The following CELSR3 variants were observed in gnomAD, a reference collection of about 807,000 sequenced individuals.
The protein encoded by CELSR3 is cadherin EGF LAG seven-pass G-type receptor 3.
CELSR3 carries 73 observed loss-of-function variants against 270.0 expected under a neutral mutation model. That is an observed-to-expected ratio of 0.27 (90% CI 0.22 to 0.33). The LOEUF (loss-of-function observed/expected upper bound fraction) is 0.33, where lower values mean the gene tolerates loss of function less well. CELSR3 is among the 10% of genes least tolerant of loss of function. The pLI is 1.00. For missense variants in CELSR3, 3,614 were observed against 4,533.8 expected (o/e 0.80, Z 5.83); for synonymous variants, 1,780 against 1,905.4 (o/e 0.93, Z 1.71).
chr3:48,644,188 G>A lies in CELSR3; in HGVS notation c.8165+28C>T. The stretch of plus-strand genomic sequence containing the variant: ...CAGGAGGGACCTGCCATCCTGAGAA[G>A]CCCCCTTCCTCCAGCCAGCCAACTC... On this transcript the variant is annotated intron_variant, in intron 27 of 34. Coordinates refer to ENST00000164024, the MANE Select transcript of CELSR3 (RefSeq NM_001407.3). The surrounding 1 kb of genome is among the most constrained non-coding windows in gnomAD (Gnocchi z 4.8). 1 of 1,592,404 alleles carries A rather than the reference G, an allele frequency of 6.3e-7. No individual in the cohort carries two copies.
At position 48,653,555 on chromosome 3, in the gene CELSR3, G is replaced by A. The variant is rs2047155658; in HGVS notation, c.5448+64C>T. ...CTGTGTGACCAACCTGAACCCACAA[G>A]AATGTCAGTGGCGGCCTAAGAGACT... On this transcript the variant is annotated intron_variant, in intron 9 of 34. Transcript: ENST00000164024. The surrounding 1 kb of genome is among the most constrained non-coding windows in gnomAD (Gnocchi z 6.5). The A allele has an allele frequency of 1.3e-6, 2 of 1,567,770 alleles. No individual in the cohort carries two copies. The highest frequency in any genetic ancestry group is 1.7e-6 in the Non-Finnish European group (2 of 1,149,244).
rs951839896 is a variant in CELSR3 at position 48,641,508 on chromosome 3, G to T, written c.8841C>A (p.Asp2947Glu). The change falls in exon 33 of 35, where the codon GAC becomes GAA. Residue 2947 changes from aspartate to glutamate, a missense_variant. This residue lies in a region of CELSR3 where 1,240 missense variants were observed against 1,351.7 expected (regional missense o/e 0.92). Transcript: ENST00000164024. This position sits in a 1 kb window ranked among gnomAD's most constrained non-coding sequence, Gnocchi z 4.8. ...CCAGGGCTGGCCAGTAGGACAGGAG[G>T]TCATTGCCATCCACATCTGTGGAGC... is the stretch of plus-strand genomic sequence containing the variant. The part of the protein sequence containing the change: ...LTHPKDVDGN[D>E]LLSYWPALGE... 6.2e-6 allele frequency: 10 copies of T among 1,611,804 alleles called. No homozygotes were observed. Among genetic ancestry groups the T allele is most frequent in the Non-Finnish European group, 8.5e-6 (10 of 1,179,456 alleles).
Position 48,650,824 on chromosome 3 carries a change from C to T in CELSR3, c.6370+68G>A. 1 of 1,517,762 alleles carries T rather than the reference C, an allele frequency of 6.6e-7. No individual in the cohort carries two copies. Among genetic ancestry groups the T allele is most frequent in the Admixed American group, 1.9e-5 (1 of 52,068 alleles). The allele number at this position is 1,517,762 out of a possible 1,614,324, so 94.0% of individuals were successfully genotyped here. A position where few individuals can be genotyped will look rare whatever the true frequency, so the allele number is the denominator to read the frequency against. ...AGAGTCCCCAAGGAGCCATGTGTGCCACTGACACGTGATGGTGGCACACTG... is the reference window on the plus strand; with the variant it reads ...AGAGTCCCCAAGGAGCCATGTGTGCTACTGACACGTGATGGTGGCACACTG... On this transcript the variant is annotated intron_variant, in intron 15 of 34. Coordinates refer to ENST00000164024, the MANE Select transcript of CELSR3 (RefSeq NM_001407.3). This position sits in a 1 kb window ranked among gnomAD's most constrained non-coding sequence, Gnocchi z 5.1.
At position 48,653,569 on chromosome 3, in the gene CELSR3, G is replaced by T; in HGVS notation, c.5448+50C>A. 1 of 1,583,974 alleles carries T rather than the reference G, an allele frequency of 6.3e-7. No individual in the cohort carries two copies. Among genetic ancestry groups the T allele is most frequent in the Non-Finnish European group, 8.6e-7 (1 of 1,159,756 alleles). On this transcript the variant is annotated intron_variant, in intron 9 of 34. Coordinates refer to ENST00000164024, the MANE Select transcript of CELSR3 (RefSeq NM_001407.3). The surrounding 1 kb of genome is among the most constrained non-coding windows in gnomAD (Gnocchi z 6.5). Reference sequence around the variant, plus strand: ...TGAACCCACAAGAATGTCAGTGGCGGCCTAAGAGACTGAGAACTGAGGGTA... The same window carrying T: ...TGAACCCACAAGAATGTCAGTGGCGTCCTAAGAGACTGAGAACTGAGGGTA...
Position 48,648,787 on chromosome 3 carries a change from G to A in CELSR3, c.6709C>T (p.Leu2237=), listed in dbSNP as rs1052291117. ...VRVTARLLAH[L]LAFESHQQGF... ...TGCTGATGGCTCTCGAAGGCCAGCA[G>A]GTGGGCCAGCAGGCGGGCAGTGACT... The change falls in exon 18 of 35, where the codon CTG becomes TTG. Residue 2237 remains leucine, a synonymous_variant. Transcript: ENST00000164024. 1.3e-5 allele frequency: 21 copies of A among 1,612,896 alleles called. No homozygotes were observed. Among genetic ancestry groups the A allele is most frequent in the Non-Finnish European group, 1.7e-5 (20 of 1,180,010 alleles).
intron 2 of CELSR3, 59 bp downstream of exon 2, chr3:48,656,639 G>A (rs1575544882): frequency 7.0e-7 from 1 of 1,437,692 alleles, no homozygotes; most frequent in Non-Finnish European, 9.1e-7. Context: ...CTCGCATTGT[G>A]GTCCCGCCCC....
Position 48,646,852 on chromosome 3 carries a change from C to T in CELSR3, c.7206G>A (p.Glu2402=), listed in dbSNP as rs1243781655. 3 of 1,597,728 alleles carry T rather than the reference C, an allele frequency of 1.9e-6. No homozygotes were observed. The highest frequency in any genetic ancestry group is 2.3e-5 in the East Asian group (1 of 43,564). Residue 2402 remains glutamate (E), a synonymous_variant, in exon 21 of 35, where the codon GAG becomes GAA. Transcript: ENST00000164024. This position sits in a 1 kb window ranked among gnomAD's most constrained non-coding sequence, Gnocchi z 4.8. ...VVPPPAPPEP[E]PGISIIILLV... is the part of the protein sequence containing the mutation. Reference sequence around the variant, plus strand: ...GGAGAATGATAATGGAGATCCCAGGCTCTGGCTCTGGCGGGGCTGGTGGGG... The same window carrying T: ...GGAGAATGATAATGGAGATCCCAGGTTCTGGCTCTGGCGGGGCTGGTGGGG...
Position 48,656,917 on chromosome 3 carries a change from G to T in CELSR3, c.4180C>A (p.Leu1394Ile). The change falls in exon 2 of 35, where the codon CTC becomes ATC. Residue 1394 changes from leucine to isoleucine, a missense_variant. Physicochemically the swap from Leu to Ile is conservative, Grantham distance 5. Transcript: ENST00000164024. ...AAGGGCGCGGACGAGTCAAAGCGGA[G>T]CACGGACACGCATTTCATGTAGTTC... is the stretch of plus-strand genomic sequence containing the variant. The part of the protein sequence containing the change: ...CENYMKCVSV[L>I]RFDSSAPFLA... The T allele has an allele frequency of 6.2e-7, 1 of 1,610,906 alleles. No homozygotes were observed. Among genetic ancestry groups the T allele is most frequent in the Non-Finnish European group, 8.5e-7 (1 of 1,178,496 alleles).
In CELSR3 at chr3:48,639,120, G is replaced by A. The variant is rs2046999675; in HGVS notation, c.9911+554C>T. On this transcript the variant is annotated intron_variant, in intron 34 of 34. Transcript: ENST00000164024. This position sits in a 1 kb window ranked among gnomAD's most constrained non-coding sequence, Gnocchi z 4.1. ...CTTCACACATACCCGAGATGAACCA[G>A]GTTCCAACTCAGTTCCTGTGAGCCC... Among the ~76,000 whole-genome samples the A allele has an allele frequency of 6.6e-6, 1 of 152,054 alleles. No individual in the cohort carries two copies. Among genetic ancestry groups the A allele is most frequent in the Admixed American group, 6.5e-5 (1 of 15,268 alleles).
At position 48,662,839 on chromosome 3, in the gene CELSR3, C is replaced by T; in HGVS notation, c.-205G>A. 1 of 323,474 alleles carries T rather than the reference C, an allele frequency of 3.1e-6. No individual in the cohort carries two copies. The highest frequency in any genetic ancestry group is 5.4e-5 in the South Asian group (1 of 18,564). 20.0% of individuals were successfully genotyped at this position (323,474 alleles called of 1,614,324 possible). ...GGCGTGCGGCCCTGGCTTTTTCCGC[C>T]CCCACCACAGCATCCCCGACGCTGC... On this transcript the variant is annotated 5_prime_UTR_variant, in exon 1 of 35. Coordinates refer to ENST00000164024, the MANE Select transcript of CELSR3 (RefSeq NM_001407.3). The surrounding 1 kb of genome is among the most constrained non-coding windows in gnomAD (Gnocchi z 7.1).
In CELSR3 at chr3:48,661,534, G is replaced by C. The variant is rs2077066075; in HGVS notation, c.1101C>G (p.Leu367=). ...ACAGCTCCAGCGAGCGGCTGTTCAT[G>C]AGTGCCGCCAGCGAGTAGACTAGGC... ...AGRLVYSLAA[L]MNSRSLELFS... Residue 367 remains leucine, a synonymous_variant, in exon 1 of 35, where the codon CTC becomes CTG. Coordinates refer to ENST00000164024, the MANE Select transcript of CELSR3 (RefSeq NM_001407.3). The C allele has an allele frequency of 6.2e-7, 1 of 1,606,604 alleles. No homozygotes were observed.
chr3:48,659,348 T>C lies in CELSR3; in HGVS notation c.3287A>G (p.Glu1096Gly). 1 of 1,614,158 alleles carries C rather than the reference T, an allele frequency of 6.2e-7. No individual in the cohort carries two copies. The highest frequency in any genetic ancestry group is 8.5e-7 in the Non-Finnish European group (1 of 1,180,042). The change falls in exon 1 of 35, where the codon GAA (glutamate) becomes GGA (glycine). Residue 1096 changes from glutamate to glycine, a missense_variant. This residue lies in a region of CELSR3 where 1,331 missense variants were observed against 1,933.7 expected (regional missense o/e 0.69). Coordinates refer to ENST00000164024, the MANE Select transcript of CELSR3 (RefSeq NM_001407.3). This position sits in a 1 kb window ranked among gnomAD's most constrained non-coding sequence, Gnocchi z 8.1. Reference protein sequence around the residue: ...VAQITAVDPDEGPNAHIMYQI... With the variant: ...VAQITAVDPDGGPNAHIMYQI... Reference sequence around the variant, plus strand: ...GTACATTATATGGGCATTGGGGCCTTCGTCAGGGTCCACTGCAGTGATCTG... The same window carrying C: ...GTACATTATATGGGCATTGGGGCCTCCGTCAGGGTCCACTGCAGTGATCTG...
At position 48,646,897 on chromosome 3, in the gene CELSR3, G is replaced by A. The variant is rs758943607; in HGVS notation, c.7161C>T (p.Ser2387=). Residue 2387 remains serine, a synonymous_variant, in exon 21 of 35, where the codon TCC becomes TCT. Transcript: ENST00000164024. The surrounding 1 kb of genome is among the most constrained non-coding windows in gnomAD (Gnocchi z 4.8). ...GTGGGGGGACCACACTTGAGGTGGT[G>A]GAGTTTTCTATGCTGCTGCTTGTGG... ...VLPTSSSIEN[S]TTSSVVPPPA... The A allele has an allele frequency of 6.4e-7, 1 of 1,566,646 alleles. No individual in the cohort carries two copies. The highest frequency in any genetic ancestry group is 1.2e-5 in the South Asian group (1 of 85,268).
rs2047165328 is a variant in CELSR3, at chr3:48,654,702, G to A, written c.4989-250C>T. Among the ~76,000 whole-genome samples, 2 of 152,080 alleles carry A rather than the reference G, an allele frequency of 1.3e-5. No individual in the cohort carries two copies. Among genetic ancestry groups the A allele is most frequent in the Non-Finnish European group, 2.9e-5 (2 of 68,014 alleles). ...GCTATGATGAAAGAATGAGGCATCT[G>A]GCTGGCTGGGGAGGGGATGGAGACG... On this transcript the variant is annotated intron_variant, in intron 6 of 34. Transcript: ENST00000164024. This position sits in a 1 kb window ranked among gnomAD's most constrained non-coding sequence, Gnocchi z 5.4.
chr3:48,650,433 A>AGGGGGGGGGGGGGGGG lies in CELSR3; in HGVS notation c.6472+46_6472+47insCCCCCCCCCCCCCCCC. On this transcript the variant is annotated intron_variant, in intron 16 of 34. Transcript: ENST00000164024. This position sits in a 1 kb window ranked among gnomAD's most constrained non-coding sequence, Gnocchi z 5.1. Reference sequence around the variant, plus strand: ...GACATGGCTCTAGCAGTCAGAGTACAGGCCCACCCCCACCCTCAGTGATGT... The same window carrying AGGGGGGGGGGGGGGGG: ...GACATGGCTCTAGCAGTCAGAGTACAGGGGGGGGGGGGGGGGGGCCCACCCCCACCCTCAGTGATGT... 5.4e-6 allele frequency: 5 copies of AGGGGGGGGGGGGGGGG among 927,818 alleles called. No individual in the cohort carries two copies. Among genetic ancestry groups the AGGGGGGGGGGGGGGGG allele is most frequent in the East Asian group, 3.2e-5 (1 of 31,406 alleles). 57.5% of individuals were successfully genotyped at this position (927,818 alleles called of 1,614,324 possible). A position where few individuals can be genotyped will look rare whatever the true frequency, so the allele number is the denominator to read the frequency against.
chr3:48,642,788 G>T lies in CELSR3; in HGVS notation c.8503C>A (p.Arg2835Ser). ...ASTVSSVSSA[R>S]SGRTQDQDSQ... Reference sequence around the variant, plus strand: ...TCCTGGTCCTGGGTCCGGCCGGAGCGGGCACTGCTCACAGAGGAGACGGTG... The same window carrying T: ...TCCTGGTCCTGGGTCCGGCCGGAGCTGGCACTGCTCACAGAGGAGACGGTG... The change falls in exon 30 of 35, where the codon CGC becomes AGC. Residue 2835 changes from arginine to serine, a missense_variant. By Grantham distance (110) the Arg-to-Ser change is moderately radical (BLOSUM62 -1). Coordinates refer to ENST00000164024, the MANE Select transcript of CELSR3 (RefSeq NM_001407.3). This position sits in a 1 kb window ranked among gnomAD's most constrained non-coding sequence, Gnocchi z 6.1. 2 of 1,612,842 alleles carry T rather than the reference G, an allele frequency of 1.2e-6. No homozygotes were observed. Among genetic ancestry groups the T allele is most frequent in the Non-Finnish European group, 1.7e-6 (2 of 1,179,924 alleles).
rs2077055317 is a variant in CELSR3, at chr3:48,660,152, T to C, written c.2483A>G (p.Lys828Arg). Residue 828 changes from lysine (K) to arginine (R), a missense_variant, in exon 1 of 35, where the codon AAG (lysine) becomes AGG (arginine). Coordinates refer to ENST00000164024, the MANE Select transcript of CELSR3 (RefSeq NM_001407.3). This position sits in a 1 kb window ranked among gnomAD's most constrained non-coding sequence, Gnocchi z 5.5. ...ACGGTCAGATGCAGTTAGTACCAGC[T>C]TGAAGTAGCGTTCCTGCTTGTAGTC... ...PLDYKQERYF[K>R]LVLTASDRAL... 7 of 1,614,168 alleles carry C rather than the reference T, an allele frequency of 4.3e-6. No homozygotes were observed. The highest frequency in any genetic ancestry group is 2.2e-5 in the South Asian group (2 of 91,086).
chr3:48,641,988 C>T lies in CELSR3; in HGVS notation c.8687G>A (p.Ser2896Asn). ...RDAGADSDSD[S>N]DLSLEEERSL... ...CCTCTCCTCCTCCAAGGACAGGTCA[C>T]TGTCAGAGTCGGAGTCTGCGCCTGG... The change falls in exon 32 of 35, where the codon AGT (serine) becomes AAT (asparagine). Residue 2896 changes from serine (S) to asparagine (N), a missense_variant. Coordinates refer to ENST00000164024, the MANE Select transcript of CELSR3 (RefSeq NM_001407.3). The surrounding 1 kb of genome is among the most constrained non-coding windows in gnomAD (Gnocchi z 4.8). 1 of 1,555,448 alleles carries T rather than the reference C, an allele frequency of 6.4e-7. No homozygotes were observed.
At position 48,640,168 on chromosome 3, in the gene CELSR3, C is replaced by T; in HGVS notation, c.9417G>A (p.Gly3139=). Residue 3139 remains glycine (G), a synonymous_variant, in exon 34 of 35, where the codon GGG becomes GGA. Transcript: ENST00000164024. This position sits in a 1 kb window ranked among gnomAD's most constrained non-coding sequence, Gnocchi z 7.5. ...CCCCTAAGTCGAGCGCATCCCGTGA[C>T]CCGAAGCGGCCAGCCATGGCGCCAG... ...DYPGAMAGRF[G]SRDALDLGAP... The T allele has an allele frequency of 1.2e-6, 2 of 1,612,690 alleles. No individual in the cohort carries two copies. The highest frequency in any genetic ancestry group is 1.7e-6 in the Non-Finnish European group (2 of 1,179,942).
Sources: allele counts gnomAD v4.1 joint callset (sites outside exome capture counted in the v4.1 genomes callset), GRCh38; gene constraint gnomAD v4.1.1; regional missense constraint gnomAD v4.1.1; non-coding constraint Gnocchi (gnomAD v3.1); transcripts MANE v1.5; gene names NCBI Gene and HGNC (gene_info 2026-07-23, HGNC 2026-07-21).